The following DMD variants were observed in gnomAD, a reference collection of about 807,000 sequenced individuals.
DMD encodes the protein mutant dystrophin.
DMD carries 63 observed loss-of-function variants against 330.1 expected under a neutral mutation model. The ratio of observed to expected loss-of-function variants is 0.19; its 90% CI spans 0.16 to 0.24. The LOEUF (loss-of-function observed/expected upper bound fraction) is 0.24, where lower values mean the gene tolerates loss of function less well. Among genes scored for constraint, DMD ranks in the 10% least tolerant of loss-of-function variants. The pLI is 1.00. For synonymous variants in DMD, 1,223 were observed against 959.8 expected (o/e 1.27, Z -5.07); for missense variants, 3,344 against 2,684.1 (o/e 1.25, Z -5.43).
intron 2 of DMD, among the ~76,000 whole-genome samples, chrX:32,880,200 G>T (rs1297889654): frequency 9.6e-6 from 1 of 104,345 alleles, no homozygotes; most frequent in African/African-American, 3.5e-5. Flanking sequence ...ACTGGTTCCT[G>T]AACTCAATTG....
chrX:31,233,488 T>G (rs907267687), intron 63 of DMD, among the ~76,000 whole-genome samples: 2 of 86,593 alleles, frequency 2.3e-5, no homozygotes, highest in Middle Eastern at 0.011. Context: ...AATTCACAGA[T>G]TTTTTTTTTT....
intron 7 of DMD, among the ~76,000 whole-genome samples, chrX:32,762,632 G>A (rs1354894278): frequency 9.0e-6 from 1 of 110,876 alleles, no homozygotes; most frequent in East Asian, 2.9e-4. Flanking sequence ...AGACTGAATG[G>A]CAGGAAGTTG....
rs147572686 is a variant in DMD at position 33,275,096 on chromosome X, T to G, written c.7+64163A>C. 1.8e-4 allele frequency among the ~76,000 whole-genome samples: 20 copies of G among 112,400 alleles called. No homozygotes were observed. In the East Asian group the frequency reaches 4.8e-3, roughly 27 times the overall value. On this transcript the variant is annotated intron_variant, in intron 1 of 17. Coordinates refer to the DMD transcript ENST00000288447. ...AAGCAAAGGGCAGTCTCCTATCTCA[T>G]GCCAAATTTAAAATTCAGGCTGCAT... is the stretch of plus-strand genomic sequence containing the variant.
chrX:32,266,860 A>G (rs1412098033), intron 43 of DMD, among the ~76,000 whole-genome samples: 2 of 112,167 alleles, frequency 1.8e-5, no homozygotes, highest in Non-Finnish European at 3.8e-5. Context: ...ACCAAATGCA[A>G]AGGAACTATG....
At chrX:32,462,704 C>T (rs760365971) in intron 25 of DMD, among the ~76,000 whole-genome samples, 33 of 110,709 alleles carry the variant, frequency 3.0e-4, no homozygotes, top group Non-Finnish European at 5.5e-4. Flanking sequence ...ACCTATAATT[C>T]CAGCATTTTG....
At chrX:32,236,818 T>C (rs908792050) in intron 43 of DMD, among the ~76,000 whole-genome samples, 3 of 112,223 alleles carry the variant, frequency 2.7e-5, no homozygotes, top group African/African-American at 9.7e-5. Context: ...TTTCCAATAA[T>C]AAATGAGAGT....
intron 47 of DMD, among the ~76,000 whole-genome samples, chrX:31,876,710 AAAAAC>A (rs1184064823): frequency 1.3e-4 from 14 of 110,101 alleles, no homozygotes; most frequent in African/African-American, 3.3e-4. Context: ...AAAAAAAACA[AAAAAC>A]AAAACAAAAC....
At chrX:33,011,470 A>G in intron 2 of DMD, among the ~76,000 whole-genome samples, 1 of 112,092 alleles carries the variant, frequency 8.9e-6, no homozygotes, top group Non-Finnish European at 1.9e-5. Context: ...ATGTCACCAT[A>G]TTTTAAAAAG....
intron 54 of DMD, among the ~76,000 whole-genome samples, chrX:31,636,777 C>G (rs779914663): frequency 1.3e-4 from 14 of 111,495 alleles, no homozygotes; most frequent in Non-Finnish European, 2.6e-4. Flanking sequence ...ATTATTATTC[C>G]TTTGCTTACC....
rs748964279 is a variant in DMD at position 32,644,154 on chromosome X, C to G, written c.1309G>C (p.Ala437Pro). The G allele has an allele frequency of 9.1e-6, 11 of 1,206,681 alleles. No individual in the cohort carries two copies. In the Admixed American group the frequency reaches 1.8e-4, roughly 19 times the overall value. Residue 437 changes from alanine to proline, a missense_variant, in exon 11 of 79, where the codon GCT (alanine) becomes CCT (proline). Physicochemically the swap from Ala to Pro is conservative, Grantham distance 27. Coordinates refer to ENST00000357033, the MANE Select transcript of DMD (RefSeq NM_004006.3). ...TACTTGCTTTGTTTTTCCATGCTAG[C>G]TACCCTGAGGCATTCCCATCTTGAA... is the stretch of plus-strand genomic sequence containing the variant. ...LNSRWECLRVASMEKQSNLHR... is the reference protein window; with the variant it reads ...LNSRWECLRVPSMEKQSNLHR...
At chrX:32,294,032 AG>A (rs2097485240) in intron 42 of DMD, among the ~76,000 whole-genome samples, 1 of 111,941 alleles carries the variant, frequency 8.9e-6, no homozygotes, top group Non-Finnish European at 1.9e-5. Context: ...TGATTAGGTC[AG>A]GTACCAGAAA....
intron 60 of DMD, among the ~76,000 whole-genome samples, chrX:31,412,220 GT>G (rs1333283927): frequency 1.9e-5 from 2 of 104,108 alleles, no homozygotes; most frequent in Non-Finnish European, 3.9e-5. Context: ...GAGAGAGAGA[GT>G]TGATAGGATC....
At chrX:32,702,596 G>T (rs2064232033) in intron 7 of DMD, among the ~76,000 whole-genome samples, 1 of 111,304 alleles carries the variant, frequency 9.0e-6, no homozygotes, top group South Asian at 3.7e-4. Context: ...TTCAATGAGA[G>T]GGTGACACCA....
intron 1 of DMD, among the ~76,000 whole-genome samples, chrX:33,255,673 G>C (rs1400496642): frequency 9.0e-6 from 1 of 111,055 alleles, no homozygotes; most frequent in Non-Finnish European, 1.9e-5. Context: ...TCTGTAAACA[G>C]ACTAGATGAT....
intron 2 of DMD, among the ~76,000 whole-genome samples, chrX:32,977,508 C>T (rs2092588408): frequency 9.1e-6 from 1 of 109,831 alleles, no homozygotes; most frequent in African/African-American, 3.3e-5. Context: ...AAGACTCAAC[C>T]CAGAGTAATT....
At chrX:32,258,165 C>G (rs2097307017) in intron 43 of DMD, among the ~76,000 whole-genome samples, 2 of 111,578 alleles carry the variant, frequency 1.8e-5, no homozygotes, top group African/African-American at 3.3e-5. Context: ...CAGGCAACAA[C>G]AGATGCTGGA....
Position 31,429,646 on chromosome X carries a change from C to T in DMD, c.9084+14835G>A, listed in dbSNP as rs756856676. On this transcript the variant is annotated intron_variant, in intron 60 of 78. Coordinates refer to ENST00000357033, the MANE Select transcript of DMD (RefSeq NM_004006.3). Reference sequence around the variant, plus strand: ...CTCCTTCTTATTTAGCTTTGAACTTCTTGCAGAATCAATTCTACCTCCTTC... The same window carrying T: ...CTCCTTCTTATTTAGCTTTGAACTTTTTGCAGAATCAATTCTACCTCCTTC... Among the ~76,000 whole-genome samples, 15 of 111,689 alleles carry T rather than the reference C, an allele frequency of 1.3e-4. 1 individual carries two copies. The South Asian group carries it at 5.7e-3, about 43-fold the overall frequency.
At chrX:32,593,695 A>G (rs1382122021) in intron 13 of DMD, among the ~76,000 whole-genome samples, 1 of 112,311 alleles carries the variant, frequency 8.9e-6, no homozygotes, top group African/African-American at 3.2e-5. Flanking sequence ...GTACTTGTTG[A>G]AAAAAATTCA....
chrX:32,407,427 C>T (rs1003749510), intron 30 of DMD, among the ~76,000 whole-genome samples: 17 of 111,446 alleles, frequency 1.5e-4, no homozygotes, highest in Non-Finnish European at 2.4e-4. Flanking sequence ...AACGAGATAC[C>T]ATCTCACACC....
Sources: gnomAD v4.1 joint callset for allele counts (sites outside exome capture counted in the v4.1 genomes callset) on GRCh38, gnomAD v4.1.1 for gene constraint, MANE v1.5 for transcripts, NCBI Gene and HGNC (gene_info 2026-07-23, HGNC 2026-07-21) for gene names.